FSTL4: variants seen among roughly 807,000 people sequenced by gnomAD.
FSTL4 encodes follistatin like 4.
Under a neutral mutation model 78.2 loss-of-function variants are expected in FSTL4, and 28 were observed. The observed-to-expected ratio is 0.36, with a 90% CI of 0.27 to 0.49. FSTL4 has a LOEUF of 0.49. Among genes scored for constraint, FSTL4 ranks in the 20% least tolerant of loss-of-function variants. FSTL4 has a pLI of 0.98. For missense variants in FSTL4, 922 were observed against 1,084.9 expected (o/e 0.85, Z 2.11); for synonymous variants, 422 against 440.5 (o/e 0.96, Z 0.53).
At chr5:133,609,036 G>A (rs559378317) in intron 1 of FSTL4, among the ~76,000 whole-genome samples, 1 of 152,096 alleles carries the variant, frequency 6.6e-6, no homozygotes, top group African/African-American at 2.4e-5. Flanking sequence ...TCAGAGTTTC[G>A]GTGGCATTGT....
the FSTL4 span, among the ~76,000 whole-genome samples, chr5:133,645,333 G>A: frequency 6.6e-6 from 1 of 152,272 alleles, no homozygotes; most frequent in Non-Finnish European, 1.5e-5. Flanking sequence ...CATGGTTCTA[G>A]GATGGTGAGT....
At chr5:133,762,106 A>T in the FSTL4 span, among the ~76,000 whole-genome samples, 3 of 152,162 alleles carry the variant, frequency 2.0e-5, no homozygotes, top group Non-Finnish European at 2.9e-5. Context: ...CACAACTTGG[A>T]AAGAGAATTT....
At chr5:133,714,832 G>T in the FSTL4 span, among the ~76,000 whole-genome samples, 1 of 152,232 alleles carries the variant, frequency 6.6e-6, no homozygotes, top group Non-Finnish European at 1.5e-5. Context: ...GATATTCCTT[G>T]AATGAAGAGG....
Position 133,275,565 on chromosome 5 carries a change from AAAC to A in FSTL4, c.728-25992_728-25990del, listed in dbSNP as rs1266355555. Among the ~76,000 whole-genome samples, 100 of 123,826 alleles carry A rather than the reference AAAC, an allele frequency of 8.1e-4. 1 individual carries two copies. Among genetic ancestry groups the A allele is most frequent in the African/African-American group, 3.1e-3 (80 of 26,194 alleles). 81.2% of individuals were successfully genotyped at this position (123,826 alleles called of 152,430 possible). A position where few individuals can be genotyped will look rare whatever the true frequency, so the allele number is the denominator to read the frequency against. On this transcript the variant is annotated intron_variant, in intron 6 of 15. Transcript: ENST00000265342. ...ACAAGAGAAAAACTCTGTCTTAAAA[AAAC>A]AAAAAAAAAAGGAATTTCAAGATGT...
At chr5:133,302,425 A>G (rs780656772) in intron 6 of FSTL4, among the ~76,000 whole-genome samples, 2 of 152,218 alleles carry the variant, frequency 1.3e-5, no homozygotes, top group Non-Finnish European at 2.9e-5. Flanking sequence ...GGGAAATCAG[A>G]TAAGACTTGG....
intron 3 of FSTL4, among the ~76,000 whole-genome samples, chr5:133,520,085 T>C (rs890844320): frequency 1.3e-5 from 2 of 152,198 alleles, no homozygotes; most frequent in Admixed American, 6.5e-5. Flanking sequence ...TTTCTTCTGC[T>C]TTTTTTCCTC....
At chr5:133,700,143 TCACACTGAACCAC>T in the FSTL4 span, among the ~76,000 whole-genome samples, 38 of 150,824 alleles carry the variant, frequency 2.5e-4, no homozygotes, top group African/African-American at 7.6e-4. Context: ...CACCAAAACA[TCACACTGAACCAC>T]CACACTGAAC....
chr5:133,830,768 C>T, the FSTL4 span, among the ~76,000 whole-genome samples: 1 of 152,184 alleles, frequency 6.6e-6, no homozygotes. Flanking sequence ...GTGAACACCC[C>T]AGACTCCGCG....
chr5:133,267,651 A>G (rs1581581639), intron 6 of FSTL4, among the ~76,000 whole-genome samples: 2 of 152,160 alleles, frequency 1.3e-5, no homozygotes, highest in Non-Finnish European at 2.9e-5. Context: ...ACCTGAGTCC[A>G]TCACTGAAGA....
intron 6 of FSTL4, among the ~76,000 whole-genome samples, chr5:133,297,846 C>G (rs1350764244): frequency 6.6e-6 from 1 of 152,198 alleles, no homozygotes; most frequent in Admixed American, 6.5e-5. Context: ...GATGGGCTGG[C>G]CCTTGTGGGA....
chr5:133,494,351 CTT>C (rs34418981), intron 3 of FSTL4, among the ~76,000 whole-genome samples: 2,094 of 141,016 alleles, frequency 0.015, 41 homozygotes, highest in African/African-American at 0.05. Flanking sequence ...CTTGTGATAT[CTT>C]TTTTTTTTTT....
intron 3 of FSTL4, among the ~76,000 whole-genome samples, chr5:133,457,346 C>T (rs573146763): frequency 7.4e-4 from 112 of 152,316 alleles, no homozygotes; most frequent in Admixed American, 1.2e-3. Context: ...CCTGGCCTGA[C>T]ATTTTATAGA....
intron 5 of FSTL4, among the ~76,000 whole-genome samples, chr5:133,315,241 T>G (rs1165520317): frequency 6.6e-6 from 1 of 152,214 alleles, no homozygotes; most frequent in Non-Finnish European, 1.5e-5. Context: ...GATGACCCTG[T>G]GAGGTTCACA....
At chr5:133,570,025 C>T (rs1226418960) in intron 2 of FSTL4, among the ~76,000 whole-genome samples, 4 of 151,534 alleles carry the variant, frequency 2.6e-5, no homozygotes, top group African/African-American at 7.3e-5. Flanking sequence ...CTGGCTAACA[C>T]GGTGAAACCC....
intron 3 of FSTL4, among the ~76,000 whole-genome samples, chr5:133,539,010 T>A (rs1759413926): frequency 6.6e-6 from 1 of 152,154 alleles, no homozygotes; most frequent in South Asian, 2.1e-4. Flanking sequence ...CTCAGGGCAC[T>A]GTTTATATGG....
At chr5:133,785,128 C>T in the FSTL4 span, among the ~76,000 whole-genome samples, 1 of 152,192 alleles carries the variant, frequency 6.6e-6, no homozygotes, top group Non-Finnish European at 1.5e-5. Context: ...CCTCACAAAG[C>T]TCTCAGCCCT....
chr5:133,312,979 C>A (rs1205138668), intron 5 of FSTL4, among the ~76,000 whole-genome samples: 1 of 152,110 alleles, frequency 6.6e-6, no homozygotes, highest in Non-Finnish European at 1.5e-5. Context: ...AAGTGGCTTC[C>A]CCAGGTTCAC....
chr5:133,266,702 C>T (rs1348742116), intron 6 of FSTL4: 2 of 152,270 alleles, frequency 1.3e-5, no homozygotes, highest in Non-Finnish European at 2.9e-5. Flanking sequence ...GGACACTGTC[C>T]ACTCCTGTCC....
intron 6 of FSTL4, among the ~76,000 whole-genome samples, chr5:133,283,264 C>CTGTGTG (rs952931759): frequency 4.3e-5 from 6 of 139,032 alleles, no homozygotes; most frequent in Admixed American, 2.9e-4. Context: ...GTGTGTGTGT[C>CTGTGTG]TGTGTGTGTG....
Sources: gnomAD v4.1 joint callset for allele counts (sites outside exome capture counted in the v4.1 genomes callset) on GRCh38, gnomAD v4.1.1 for gene constraint, MANE v1.5 for transcripts, NCBI Gene and HGNC (gene_info 2026-07-23, HGNC 2026-07-21) for gene names.